The following JAK2 variants were observed in gnomAD, a reference collection of about 807,000 sequenced individuals.
JAK2 encodes tyrosine-protein kinase JAK2.
In JAK2, 86 loss-of-function variants were observed where a neutral mutation model predicts 139.3. That is an observed-to-expected ratio of 0.62 (90% confidence interval 0.52 to 0.74). The LOEUF is 0.74. JAK2 is among the 30% of genes least tolerant of loss of function. The pLI, the probability that JAK2 is intolerant of heterozygous loss-of-function variation, is 0.00. For missense variants in JAK2, 1,421 were observed against 1,360.3 expected (o/e 1.04, Z -0.70); for synonymous variants, 490 against 437.7 (o/e 1.12, Z -1.49).
chr9:5,075,769 C>T (rs1819268180), intron 14 of JAK2, among the ~76,000 whole-genome samples: 1 of 152,144 alleles, frequency 6.6e-6, no homozygotes, highest in Non-Finnish European at 1.5e-5. Flanking sequence ...TTTCAACTTT[C>T]AAGTCTTATT....
chr9:5,066,653 C>G (rs1818593367), intron 9 of JAK2, 25 bp from the exon 10 acceptor site: 2 of 1,284,868 alleles, frequency 1.6e-6, no homozygotes, highest in Non-Finnish European at 1.1e-6. Flanking sequence ...ATATATTATT[C>G]AAATTGCTTC....
intron 14 of JAK2, among the ~76,000 whole-genome samples, chr9:5,076,220 A>G (rs1819297997): frequency 1.3e-5 from 2 of 152,204 alleles, no homozygotes; most frequent in South Asian, 4.1e-4. Flanking sequence ...AATTTTACAT[A>G]AACTTGATTG....
chr9:5,082,210 A>G (rs903723481), intron 19 of JAK2, among the ~76,000 whole-genome samples: 3 of 152,202 alleles, frequency 2.0e-5, no homozygotes, highest in Non-Finnish European at 2.9e-5. Flanking sequence ...TTTCCTCAGT[A>G]TTTATTACTG....
intron 14 of JAK2, among the ~76,000 whole-genome samples, chr9:5,074,707 T>C (rs1341727460): frequency 1.3e-5 from 2 of 152,228 alleles, no homozygotes; most frequent in African/African-American, 4.8e-5. Flanking sequence ...GGTCTTTAAA[T>C]GTTCAAGTGA....
At chr9:5,011,033 C>T (rs1472925706) in intron 2 of JAK2, among the ~76,000 whole-genome samples, 1 of 152,124 alleles carries the variant, frequency 6.6e-6, no homozygotes, top group African/African-American at 2.4e-5. Flanking sequence ...TATGTGACTG[C>T]TTTTAAGATT....
At chr9:5,040,179 G>C (rs1816378180) in intron 4 of JAK2, among the ~76,000 whole-genome samples, 1 of 152,118 alleles carries the variant, frequency 6.6e-6, no homozygotes, top group Admixed American at 6.5e-5. Flanking sequence ...TTTTTGATCA[G>C]GGTGCCAAGA....
chr9:5,113,038 G>A (rs1440263638), intron 22 of JAK2, among the ~76,000 whole-genome samples: 1 of 152,026 alleles, frequency 6.6e-6, no homozygotes, highest in Non-Finnish European at 1.5e-5. Flanking sequence ...GGTGAGGAAG[G>A]TGACGCTGGG....
chr9:5,017,732 G>A (rs1405528437), intron 2 of JAK2, among the ~76,000 whole-genome samples: 1 of 152,148 alleles, frequency 6.6e-6, no homozygotes, highest in African/African-American at 2.4e-5. Context: ...ATTCTTTAAA[G>A]TTGCATATCC....
intron 22 of JAK2, chr9:5,108,985 G>T (rs777883471): frequency 2.6e-5 from 4 of 152,044 alleles, no homozygotes; most frequent in Non-Finnish European, 4.4e-5. Flanking sequence ...CACTGATATA[G>T]CCTCATGATG....
At chr9:5,030,074 T>C (rs1212205117) in intron 4 of JAK2, among the ~76,000 whole-genome samples, 168 bp downstream of exon 4, 1 of 152,230 alleles carries the variant, frequency 6.6e-6, no homozygotes, top group African/African-American at 2.4e-5. Context: ...TCAGAGAAAC[T>C]GTTTATACAT....
At chr9:5,103,325 G>A (rs566142278) in intron 22 of JAK2, among the ~76,000 whole-genome samples, 1 of 143,890 alleles carries the variant, frequency 6.9e-6, no homozygotes, top group African/African-American at 2.6e-5. Flanking sequence ...AGACAAAAAA[G>A]GCCATTACAT....
intron 3 of JAK2, 26 bp downstream of exon 3, chr9:5,022,239 C>T: frequency 6.6e-7 from 1 of 1,505,530 alleles, no homozygotes; most frequent in Non-Finnish European, 9.2e-7. Flanking sequence ...CAGCATTTTC[C>T]TTTTTATGCA....
intron 18 of JAK2, 40 bp downstream of exon 18, chr9:5,080,723 AT>A (rs1819628816): frequency 2.8e-6 from 4 of 1,427,754 alleles, no homozygotes; most frequent in Non-Finnish European, 3.8e-6. Context: ...CCAGCTTTCT[AT>A]CTTTATTGTA....
intron 2 of JAK2, among the ~76,000 whole-genome samples, chr9:5,001,873 G>C (rs1005132829): frequency 1.3e-5 from 2 of 151,868 alleles, no homozygotes; most frequent in African/African-American, 4.8e-5. Flanking sequence ...ACTATTCAAG[G>C]TTTCTGTTTC....
intron 22 of JAK2, among the ~76,000 whole-genome samples, chr9:5,104,400 T>A (rs1486221878): frequency 1.3e-5 from 2 of 151,924 alleles, no homozygotes; most frequent in Admixed American, 6.6e-5. Context: ...AATAACAGGC[T>A]CTGAAATTGA....
intron 22 of JAK2, chr9:5,112,939 T>A (rs574467326): frequency 2.2e-5 from 5 of 229,308 alleles, no homozygotes; most frequent in Non-Finnish European, 4.2e-5. Flanking sequence ...TTCATCCACA[T>A]CCACACCTCA....
chr9:5,104,735 G>A (rs575638189), intron 22 of JAK2, among the ~76,000 whole-genome samples: 5 of 152,306 alleles, frequency 3.3e-5, no homozygotes, highest in African/African-American at 1.2e-4. Flanking sequence ...TCATCCCTAG[G>A]ATGCAAGGCT....
chr9:5,074,875 A>G (rs573829896), intron 14 of JAK2, among the ~76,000 whole-genome samples: 1 of 152,308 alleles, frequency 6.6e-6, no homozygotes, highest in East Asian at 1.9e-4. Context: ...GACAAGCTGA[A>G]AGCTAGGCCT....
chr9:5,067,396 A>G (rs1164976295), intron 10 of JAK2, among the ~76,000 whole-genome samples: 3 of 152,162 alleles, frequency 2.0e-5, no homozygotes, highest in African/African-American at 4.8e-5. Flanking sequence ...TTCATGGTAT[A>G]AATCCTAAGA....
Sources: gnomAD v4.1 joint callset for allele counts (sites outside exome capture counted in the v4.1 genomes callset) on GRCh38, gnomAD v4.1.1 for gene constraint, MANE v1.5 for transcripts, NCBI Gene and HGNC (gene_info 2026-07-23, HGNC 2026-07-21) for gene names.